The following CDH12 variants were observed in gnomAD, a reference collection of about 807,000 sequenced individuals.
The protein encoded by CDH12 is cadherin 12.
Under a neutral mutation model 74.1 loss-of-function variants are expected in CDH12, and 41 were observed. The ratio of observed to expected loss-of-function variants is 0.55; its 90% confidence interval spans 0.43 to 0.72. CDH12 has a LOEUF of 0.72. CDH12 is among the 30% of genes least tolerant of loss of function. CDH12 has a pLI of 0.00. For missense variants in CDH12, 945 were observed against 977.2 expected (o/e 0.97, Z 0.44); for synonymous variants, 399 against 355.0 (o/e 1.12, Z -1.39).
chr5:21,752,281 G>A (rs757778510), intron 14 of CDH12, 45 bp from the exon 15 acceptor site: 8 of 1,522,986 alleles, frequency 5.3e-6, no homozygotes, highest in Non-Finnish European at 7.1e-6. Flanking sequence ...AAAGCAGATA[G>A]GTCATTTCAT....
At chr5:22,745,678 A>G (rs1745259058) in intron 1 of CDH12, among the ~76,000 whole-genome samples, 1 of 152,180 alleles carries the variant, frequency 6.6e-6, no homozygotes, top group African/African-American at 2.4e-5. Flanking sequence ...CACAAAATAA[A>G]ATACCACATG....
Position 22,724,126 on chromosome 5 carries a change from C to G in CDH12, c.-523+128932G>C, listed in dbSNP as rs543509161. Among the ~76,000 whole-genome samples, 14 of 151,890 alleles carry G rather than the reference C, an allele frequency of 9.2e-5. 1 individual carries two copies. Among genetic ancestry groups the G allele is most frequent in the Non-Finnish European group, 1.8e-4 (12 of 67,884 alleles). On this transcript the variant is annotated intron_variant, in intron 1 of 14. Transcript: ENST00000382254. Reference sequence around the variant, plus strand: ...GAATTGGGGTTGGAATTTATAATCACTGAAGCAGAGTTTAGAATTATCTAT... The same window carrying G: ...GAATTGGGGTTGGAATTTATAATCAGTGAAGCAGAGTTTAGAATTATCTAT...
At chr5:22,369,126 C>A (rs1172716742) in intron 3 of CDH12, among the ~76,000 whole-genome samples, 1 of 151,484 alleles carries the variant, frequency 6.6e-6, no homozygotes, top group Non-Finnish European at 1.5e-5. Context: ...AAGACTATCT[C>A]AAAATAAATA....
chr5:22,738,257 C>T (rs1744844169), intron 1 of CDH12, among the ~76,000 whole-genome samples: 1 of 152,010 alleles, frequency 6.6e-6, no homozygotes, highest in African/African-American at 2.4e-5. Flanking sequence ...ATCATAAAGT[C>T]TATGGTAATG....
intron 4 of CDH12, among the ~76,000 whole-genome samples, chr5:22,164,334 A>G (rs563921985): frequency 6.6e-5 from 10 of 152,280 alleles, no homozygotes; most frequent in African/African-American, 2.2e-4. Flanking sequence ...TGTTCAGCTC[A>G]ATTAGGATGA....
At chr5:22,683,234 G>T (rs1282064125) in intron 1 of CDH12, among the ~76,000 whole-genome samples, 1 of 152,184 alleles carries the variant, frequency 6.6e-6, no homozygotes, top group Admixed American at 6.5e-5. Context: ...GTTTCTTCCA[G>T]AGAGCTGTTA....
chr5:22,278,569 T>C (rs1314525311), intron 3 of CDH12, among the ~76,000 whole-genome samples: 4 of 152,156 alleles, frequency 2.6e-5, no homozygotes, highest in Non-Finnish European at 5.9e-5. Flanking sequence ...AACTCAGATT[T>C]TGACACTTGA....
intron 11 of CDH12, among the ~76,000 whole-genome samples, chr5:21,777,015 T>C (rs1162878549): frequency 6.6e-6 from 1 of 152,200 alleles, no homozygotes; most frequent in Admixed American, 6.5e-5. Flanking sequence ...CATTATAAGG[T>C]TAATGGACAC....
At chr5:22,508,366 G>A (rs148938062) in intron 1 of CDH12, among the ~76,000 whole-genome samples, 2 of 152,230 alleles carry the variant, frequency 1.3e-5, no homozygotes, top group East Asian at 3.9e-4. Flanking sequence ...CACATTAGGA[G>A]ACAAGGAAGA....
intron 2 of CDH12, among the ~76,000 whole-genome samples, chr5:22,424,002 C>CAAAAAAAAAAAAAAAAAA (rs1165781089): frequency 1.6e-4 from 5 of 31,220 alleles, no homozygotes; most frequent in African/African-American, 4.1e-4. Context: ...GACTCTGTCT[C>CAAAAAAAAAAAAAAAAAA]AAAAAAAAAA....
chr5:21,860,917 C>G, intron 6 of CDH12, among the ~76,000 whole-genome samples: 1 of 152,018 alleles, frequency 6.6e-6, no homozygotes, highest in East Asian at 1.9e-4. Context: ...TGAATCAATA[C>G]TCCTTAATAA....
chr5:22,155,170 T>C (rs1157404388), intron 4 of CDH12, among the ~76,000 whole-genome samples: 1 of 152,156 alleles, frequency 6.6e-6, no homozygotes, highest in African/African-American at 2.4e-5. Context: ...ACTCTCTGCT[T>C]ATAGAAAGGC....
chr5:22,318,481 C>T (rs1738723418), intron 3 of CDH12, among the ~76,000 whole-genome samples: 1 of 152,330 alleles, frequency 6.6e-6, no homozygotes, highest in East Asian at 1.9e-4. Context: ...CTCCTTTTCC[C>T]TATATGAGTA....
chr5:22,472,957 T>TA (rs1340022613), intron 2 of CDH12, among the ~76,000 whole-genome samples: 3 of 152,260 alleles, frequency 2.0e-5, no homozygotes, highest in East Asian at 3.9e-4. Context: ...ATCTGTGGAA[T>TA]AAAAAACTCA....
At chr5:22,542,473 A>G (rs1738149114) in intron 1 of CDH12, among the ~76,000 whole-genome samples, 1 of 152,176 alleles carries the variant, frequency 6.6e-6, no homozygotes, top group African/African-American at 2.4e-5. Context: ...CTGATTTATA[A>G]TCACTAGGAG....
At chr5:22,773,244 C>T (rs1009005568) in intron 1 of CDH12, among the ~76,000 whole-genome samples, 1 of 152,086 alleles carries the variant, frequency 6.6e-6, no homozygotes, top group Non-Finnish European at 1.5e-5. Context: ...TATTATCTGA[C>T]TTCAAACTAT....
At chr5:22,609,291 C>A (rs1737277683) in intron 1 of CDH12, among the ~76,000 whole-genome samples, 1 of 152,144 alleles carries the variant, frequency 6.6e-6, no homozygotes. Context: ...CATGTCACTG[C>A]TTAAGCTGGG....
intron 14 of CDH12, among the ~76,000 whole-genome samples, chr5:21,752,926 A>G (rs934981405): frequency 1.6e-4 from 25 of 152,180 alleles, no homozygotes; most frequent in Admixed American, 1.1e-3. Context: ...AGTTTTTAAA[A>G]CAAGTGCCTA....
intron 4 of CDH12, among the ~76,000 whole-genome samples, chr5:22,171,697 A>G (rs1211193573): frequency 6.6e-6 from 1 of 152,008 alleles, no homozygotes; most frequent in African/African-American, 2.4e-5. Context: ...TGGTAGGGTC[A>G]GAACTTAATC....
Sources: allele counts gnomAD v4.1 joint callset (sites outside exome capture counted in the v4.1 genomes callset), GRCh38; gene constraint gnomAD v4.1.1; transcripts MANE v1.5; gene names NCBI Gene and HGNC (gene_info 2026-07-23, HGNC 2026-07-21).